FHIT: variants seen among roughly 807,000 people sequenced by gnomAD.
The protein encoded by FHIT is bis(5'-adenosyl)-triphosphatase.
In FHIT, 19 loss-of-function variants were observed where a neutral mutation model predicts 17.9. That is an observed-to-expected ratio of 1.06 (90% confidence interval 0.74 to 1.56). The LOEUF (loss-of-function observed/expected upper bound fraction) is 1.56. Among genes scored for constraint, FHIT ranks in the 40% most tolerant of loss-of-function variants. FHIT has a pLI of 0.00. For synonymous variants in FHIT, 81 were observed against 69.7 expected (o/e 1.16, Z -0.81); for missense variants, 248 against 189.2 (o/e 1.31, Z -1.82).
rs60941309 is a variant in FHIT, at chr3:60,668,371, GAAAAAAAAAA to G, written c.-17-131402_-17-131393del. 1.3e-3 allele frequency among the ~76,000 whole-genome samples: 86 copies of G among 68,016 alleles called. 1 individual carries two copies. Among genetic ancestry groups the G allele is most frequent in the African/African-American group, 4.1e-3 (72 of 17,456 alleles). The allele number at this position is 68,016 out of a possible 152,430, so 44.6% of individuals were successfully genotyped here. ...TCCAGAGGGACATCCGCTCAATCAG[GAAAAAAAAAA>G]AAAAAAAAAAAAAAAATCAGCCTCC... On this transcript the variant is annotated intron_variant, in intron 4 of 9. Transcript: ENST00000492590.
At chr3:60,049,387 A>G (rs1218956886) in intron 5 of FHIT, among the ~76,000 whole-genome samples, 1 of 152,188 alleles carries the variant, frequency 6.6e-6, no homozygotes, top group Non-Finnish European at 1.5e-5. Flanking sequence ...TTTATCTTTA[A>G]TTTAAATTTG....
intron 4 of FHIT, among the ~76,000 whole-genome samples, chr3:60,564,097 G>C (rs1559543108): frequency 6.6e-6 from 1 of 152,136 alleles, no homozygotes. Flanking sequence ...TTAAGTTGAA[G>C]TCAGTGGTCC....
At chr3:60,104,177 T>G (rs1049040356) in intron 5 of FHIT, among the ~76,000 whole-genome samples, 2 of 152,182 alleles carry the variant, frequency 1.3e-5, no homozygotes, top group Non-Finnish European at 2.9e-5. Context: ...TTAAACAATG[T>G]AGCATCAAAG....
chr3:59,901,171 A>G (rs911068567), intron 8 of FHIT, among the ~76,000 whole-genome samples: 1 of 152,198 alleles, frequency 6.6e-6, no homozygotes, highest in Admixed American at 6.5e-5. Flanking sequence ...TCTTAGTGTC[A>G]TGTTTACTCT....
At chr3:61,004,849 T>C (rs957323252) in intron 3 of FHIT, among the ~76,000 whole-genome samples, 4 of 152,192 alleles carry the variant, frequency 2.6e-5, no homozygotes, top group Non-Finnish European at 5.9e-5. Context: ...GAAAATTAAA[T>C]GATGTAAAGC....
At chr3:59,913,911 A>G (rs990467083) in intron 8 of FHIT, among the ~76,000 whole-genome samples, 2 of 152,234 alleles carry the variant, frequency 1.3e-5, no homozygotes, top group African/African-American at 4.8e-5. Flanking sequence ...GATTAGAAAG[A>G]AAATCTGGCA....
intron 2 of FHIT, among the ~76,000 whole-genome samples, chr3:61,063,219 G>GCA (rs2034488445): frequency 1.4e-5 from 2 of 140,370 alleles, no homozygotes; most frequent in Admixed American, 1.5e-4. Flanking sequence ...CCGCGCCACT[G>GCA]CACTCCAGCC....
intron 7 of FHIT, among the ~76,000 whole-genome samples, chr3:59,934,748 G>A (rs1406553054): frequency 2.0e-5 from 3 of 152,032 alleles, no homozygotes; most frequent in African/African-American, 2.4e-5. Context: ...AAGAATGAGT[G>A]CCCAGTGAAG....
At chr3:59,999,355 C>T (rs896464884) in intron 7 of FHIT, among the ~76,000 whole-genome samples, 5 of 152,072 alleles carry the variant, frequency 3.3e-5, no homozygotes, top group Non-Finnish European at 1.5e-5. Flanking sequence ...ATGGAATTAC[C>T]GTGTGGTCAC....
chr3:59,792,982 CCATCCGCCTGCACTGTGA>C (rs1275771005), intron 8 of FHIT, among the ~76,000 whole-genome samples: 3 of 152,000 alleles, frequency 2.0e-5, no homozygotes, highest in Non-Finnish European at 2.9e-5. Flanking sequence ...CACTGTACCT[CCATCCGCCTGCACTGTGA>C]CTGCTTGTTT....
intron 8 of FHIT, among the ~76,000 whole-genome samples, chr3:59,880,708 C>A (rs917912805): frequency 1.3e-5 from 2 of 152,220 alleles, no homozygotes; most frequent in South Asian, 4.1e-4. Context: ...ATCAGGCATA[C>A]AGGAATCCAT....
At chr3:60,264,847 A>C (rs1407238943) in intron 5 of FHIT, among the ~76,000 whole-genome samples, 1 of 147,590 alleles carries the variant, frequency 6.8e-6, no homozygotes, top group African/African-American at 2.4e-5. Context: ...ACTGTTTCTC[A>C]ATCTTTTTTT....
chr3:60,725,165 T>C (rs2107973225), intron 4 of FHIT, among the ~76,000 whole-genome samples: 1 of 152,324 alleles, frequency 6.6e-6, no homozygotes, highest in African/African-American at 2.4e-5. Flanking sequence ...TAAGAATTCT[T>C]TTTATATTCA....
intron 8 of FHIT, among the ~76,000 whole-genome samples, chr3:59,885,135 A>G (rs1703565265): frequency 6.6e-6 from 1 of 152,244 alleles, no homozygotes; most frequent in Non-Finnish European, 1.5e-5. Context: ...ATGGCGCAAA[A>G]GAAAGCTCAT....
chr3:60,314,256 T>TA (rs1156926749), intron 5 of FHIT, among the ~76,000 whole-genome samples: 25 of 151,982 alleles, frequency 1.6e-4, no homozygotes, highest in Non-Finnish European at 2.6e-4. Flanking sequence ...GGATTTCTTT[T>TA]AAAAAAAATC....
intron 8 of FHIT, among the ~76,000 whole-genome samples, chr3:59,839,845 A>G (rs748901689): frequency 1.3e-5 from 2 of 152,200 alleles, no homozygotes; most frequent in Non-Finnish European, 2.9e-5. Flanking sequence ...CAAAACGGTT[A>G]AGTCCTGAAC....
At chr3:60,186,382 T>G (rs1391368562) in intron 5 of FHIT, among the ~76,000 whole-genome samples, 2 of 152,194 alleles carry the variant, frequency 1.3e-5, no homozygotes, top group Non-Finnish European at 2.9e-5. Flanking sequence ...AAGTTATCCT[T>G]TCTCCATGTA....
At chr3:60,706,559 C>A (rs9876876) in intron 4 of FHIT, among the ~76,000 whole-genome samples, 16,894 of 152,050 alleles carry the variant, frequency 0.11, 2,045 homozygotes, top group African/African-American at 0.3. Context: ...ACAATAATTA[C>A]CTCGACATTT....
rs559072648 is a variant in FHIT at position 61,212,668 on chromosome 3, C to A, written c.-212-12003G>T. On this transcript the variant is annotated intron_variant, in intron 1 of 9. Transcript: ENST00000492590. ...TACAGAGAACGCCACAAAGATACTC[C>A]TCGAGAAGGGCAACTCCAAGACACA... Among the ~76,000 whole-genome samples, 11 of 152,272 alleles carry A rather than the reference C, an allele frequency of 7.2e-5. No individual in the cohort carries two copies. In the East Asian group the frequency reaches 2.1e-3, roughly 29 times the overall value.
Sources: gnomAD v4.1 joint callset for allele counts (sites outside exome capture counted in the v4.1 genomes callset) on GRCh38, gnomAD v4.1.1 for gene constraint, MANE v1.5 for transcripts, NCBI Gene and HGNC (gene_info 2026-07-23, HGNC 2026-07-21) for gene names.